BTBD16: variants seen among roughly 807,000 people sequenced by gnomAD.
BTBD16 encodes the protein BTB/POZ domain-containing protein 16.
A neutral mutation model predicts 67.4 loss-of-function variants in BTBD16; 66 were observed. That is an observed-to-expected ratio of 0.98 (90% CI 0.80 to 1.20). BTBD16 has a LOEUF of 1.20. Among genes scored for constraint, BTBD16 ranks in the 50% most tolerant of loss-of-function variants. The pLI is 0.00. For synonymous variants in BTBD16, 242 were observed against 236.4 expected (o/e 1.02, Z -0.22); for missense variants, 634 against 616.0 (o/e 1.03, Z -0.31).
chr10:122,316,747 C>T (rs891415780), intron 10 of BTBD16, among the ~76,000 whole-genome samples: 1 of 150,458 alleles, frequency 6.6e-6, no homozygotes, highest in African/African-American at 2.4e-5. Flanking sequence ...GTGAATGGTG[C>T]GTGAATGTTA....
chr10:122,281,533 G>A (rs967907333), intron 3 of BTBD16, among the ~76,000 whole-genome samples: 3 of 152,124 alleles, frequency 2.0e-5, no homozygotes, highest in Admixed American at 6.5e-5. Flanking sequence ...GCATGTAGCT[G>A]GGACTATAGG....
intron 5 of BTBD16, among the ~76,000 whole-genome samples, 192 bp from the exon 6 acceptor site, chr10:122,289,717 G>A (rs7896860): frequency 0.31 from 46,390 of 151,914 alleles, 7,227 homozygotes; most frequent in East Asian, 0.43. Flanking sequence ...TAGCCTGGGC[G>A]ACAAGAGTGA....
chr10:122,286,054 T>C, intron 4 of BTBD16, 51 bp from the exon 5 acceptor site: 1 of 1,539,556 alleles, frequency 6.5e-7, no homozygotes, highest in Non-Finnish European at 8.9e-7. Flanking sequence ...GATGCATCTT[T>C]GGGTGGGGAC....
rs2096444933 is a variant in BTBD16 at position 122,326,463 on chromosome 10, C to A, written c.912-3017C>A. 2.0e-5 allele frequency among the ~76,000 whole-genome samples: 3 copies of A among 152,148 alleles called. No homozygotes were observed. In the South Asian group the frequency reaches 6.2e-4, roughly 32 times the overall value. ...ACCCTTGCGCCTGGCTTACTGCTTCCAGGTTCATCATGCTGTAGCATATAT... is the reference window on the plus strand; with the variant it reads ...ACCCTTGCGCCTGGCTTACTGCTTCAAGGTTCATCATGCTGTAGCATATAT... On this transcript the variant is annotated intron_variant, in intron 10 of 15. Coordinates refer to ENST00000260723, the MANE Select transcript of BTBD16 (RefSeq NM_144587.5).
chr10:122,313,067 G>A (rs910514514), intron 10 of BTBD16, among the ~76,000 whole-genome samples: 1 of 151,290 alleles, frequency 6.6e-6, no homozygotes, highest in Non-Finnish European at 1.5e-5. Context: ...TAGTAGAGAC[G>A]GGGTTTCACC....
chr10:122,332,342 G>T (rs1181334081), intron 12 of BTBD16, 94 bp from the exon 13 acceptor site: 3 of 1,162,018 alleles, frequency 2.6e-6, no homozygotes, highest in Non-Finnish European at 3.7e-6. Context: ...ACCTGGTGAG[G>T]GGGGCAGGGG....
At chr10:122,306,616 C>T (rs1158833432) in intron 9 of BTBD16, among the ~76,000 whole-genome samples, 1 of 152,192 alleles carries the variant, frequency 6.6e-6, no homozygotes, top group African/African-American at 2.4e-5. Context: ...GGTTTCAGCC[C>T]TCAATCATGG....
chr10:122,276,005 C>G (rs1389040138), intron 2 of BTBD16, among the ~76,000 whole-genome samples: 1 of 152,226 alleles, frequency 6.6e-6, no homozygotes, highest in African/African-American at 2.4e-5. Context: ...AATATTTACA[C>G]AGTGGAATAT....
rs1268038818 is a variant in BTBD16 at position 122,291,151 on chromosome 10, C to T, written c.547C>T (p.Leu183=). ...EINLEDLLGV[L]ASAHILQFSG... ...TAACTTGGAAGACCTACTGGGAGTGCTGGCTTCCGCCCACATCCTCCAGTT... is the reference window on the plus strand; with the variant it reads ...TAACTTGGAAGACCTACTGGGAGTGTTGGCTTCCGCCCACATCCTCCAGTT... Residue 183 remains leucine, a synonymous_variant, in exon 7 of 16, where the codon CTG becomes TTG. Coordinates refer to ENST00000260723, the MANE Select transcript of BTBD16 (RefSeq NM_144587.5). 6.2e-7 allele frequency: 1 copy of T among 1,613,870 alleles called. No homozygotes were observed. The highest frequency in any genetic ancestry group is 8.5e-7 in the Non-Finnish European group (1 of 1,179,906).
At position 122,283,872 on chromosome 10, in the gene BTBD16, G is replaced by T; in HGVS notation, c.189G>T (p.Gln63His). The change falls in exon 4 of 16, where the codon CAG becomes CAT. Residue 63 changes from glutamine to histidine, a missense_variant. Physicochemically the swap from Gln to His is conservative, Grantham distance 24. Coordinates refer to ENST00000260723, the MANE Select transcript of BTBD16 (RefSeq NM_144587.5). Reference protein sequence around the residue: ...NPDRLCISQIQKFFFENFKNK... With the variant: ...NPDRLCISQIHKFFFENFKNK... ...TGAGGTTATGCATTTCACAAATCCAGAAGTTTTTCTTTGAGAATTTCAAGA... is the reference window on the plus strand; with the variant it reads ...TGAGGTTATGCATTTCACAAATCCATAAGTTTTTCTTTGAGAATTTCAAGA... 1 of 1,614,164 alleles carries T rather than the reference G, an allele frequency of 6.2e-7. No individual in the cohort carries two copies. Among genetic ancestry groups the T allele is most frequent in the Non-Finnish European group, 8.5e-7 (1 of 1,180,002 alleles).
intron 12 of BTBD16, 53 bp from the exon 13 acceptor site, chr10:122,332,383 C>T (rs547767794): frequency 1.6e-5 from 25 of 1,558,648 alleles, no homozygotes; most frequent in Admixed American, 6.9e-5. Context: ...TGAAGAGAGG[C>T]GCTCGTGTCC....
intron 10 of BTBD16, among the ~76,000 whole-genome samples, chr10:122,312,178 A>G (rs2096414887): frequency 6.6e-6 from 1 of 152,202 alleles, no homozygotes; most frequent in African/African-American, 2.4e-5. Flanking sequence ...ACTTTAGTAA[A>G]TACTGCCAAA....
intron 9 of BTBD16, among the ~76,000 whole-genome samples, chr10:122,304,493 A>T (rs542568918): frequency 7.2e-4 from 110 of 151,952 alleles, no homozygotes; most frequent in Admixed American, 1.2e-3. Flanking sequence ...GCTACTAGAG[A>T]AGGGGGTTGG....
rs1034881826 is a variant in BTBD16 at position 122,287,484 on chromosome 10, G to A, written c.385+1236G>A. On this transcript the variant is annotated intron_variant, in intron 5 of 15. Coordinates refer to ENST00000260723, the MANE Select transcript of BTBD16 (RefSeq NM_144587.5). ...TGCTAGAGGCTACGCCTGGCTGAGAGACAAGAGGGAAGGTGCAGAGATGAA... is the reference window on the plus strand; with the variant it reads ...TGCTAGAGGCTACGCCTGGCTGAGAAACAAGAGGGAAGGTGCAGAGATGAA... The A allele has an allele frequency of 3.0e-6, 3 of 985,324 alleles. No homozygotes were observed. The African/African-American group carries it at 5.2e-5, about 17-fold the overall frequency. 61.0% of individuals were successfully genotyped at this position (985,324 alleles called of 1,614,324 possible). A position where few individuals can be genotyped will look rare whatever the true frequency, so the allele number is the denominator to read the frequency against.
chr10:122,314,949 T>C (rs1187454352), intron 10 of BTBD16, among the ~76,000 whole-genome samples: 3 of 152,172 alleles, frequency 2.0e-5, no homozygotes, highest in African/African-American at 7.2e-5. Flanking sequence ...GAACATCTTT[T>C]TTTTCTTCCC....
At chr10:122,329,322 C>T in intron 10 of BTBD16, 158 bp from the exon 11 acceptor site, 1 of 171,312 alleles carries the variant, frequency 5.8e-6, no homozygotes, top group South Asian at 1.9e-4. Flanking sequence ...AAGCCACCAT[C>T]TGCTTCCATG....
chr10:122,273,221 G>GATAGATATATATATATAT, intron 1 of BTBD16, among the ~76,000 whole-genome samples: 2 of 129,482 alleles, frequency 1.5e-5, no homozygotes, highest in East Asian at 2.3e-4. Flanking sequence ...GCAACACAAA[G>GATAGATATATATATATAT]ATATATATAT....
intron 13 of BTBD16, chr10:122,332,751 G>A (rs982708460): frequency 1.3e-5 from 11 of 879,244 alleles, no homozygotes; most frequent in African/African-American, 7.3e-5. Context: ...AGCAGTCCTG[G>A]TGGTACTGGA....
chr10:122,335,692 G>A (rs969784216), intron 14 of BTBD16, among the ~76,000 whole-genome samples: 1 of 152,178 alleles, frequency 6.6e-6, no homozygotes, highest in Non-Finnish European at 1.5e-5. Context: ...GGGAAGATGA[G>A]GATGATGATG....
Sources: gnomAD v4.1 joint callset for allele counts (sites outside exome capture counted in the v4.1 genomes callset) on GRCh38, gnomAD v4.1.1 for gene constraint, MANE v1.5 for transcripts, NCBI Gene and HGNC (gene_info 2026-07-23, HGNC 2026-07-21) for gene names.